APBB2: variants seen among roughly 807,000 people sequenced by gnomAD.
The protein encoded by APBB2 is amyloid beta precursor protein binding family B member 2.
A neutral mutation model predicts 82.5 loss-of-function variants in APBB2; 38 were observed. The ratio of observed to expected loss-of-function variants is 0.46; its 90% CI spans 0.36 to 0.60. The LOEUF (loss-of-function observed/expected upper bound fraction) is 0.60. Ranked by LOEUF, APBB2 falls within the 20% of genes least tolerant of loss-of-function variation. The pLI is 0.00. For missense variants in APBB2, 772 were observed against 972.3 expected (o/e 0.79, Z 2.74); for synonymous variants, 341 against 368.2 (o/e 0.93, Z 0.85).
intron 6 of APBB2, among the ~76,000 whole-genome samples, chr4:40,968,538 C>A (rs1438529600): frequency 6.6e-6 from 1 of 152,104 alleles, no homozygotes; most frequent in African/African-American, 2.4e-5. Flanking sequence ...TTTAGAATGG[C>A]ACTGCATGCA....
chr4:40,922,331 A>G (rs1781467720), intron 10 of APBB2, among the ~76,000 whole-genome samples: 1 of 152,216 alleles, frequency 6.6e-6, no homozygotes, highest in African/African-American at 2.4e-5. Context: ...CTATGTATGT[A>G]CTAGCTATTG....
chr4:41,056,474 G>A (rs1727898453), intron 4 of APBB2, among the ~76,000 whole-genome samples: 1 of 152,064 alleles, frequency 6.6e-6, no homozygotes, highest in African/African-American at 2.4e-5. Flanking sequence ...TGTTCTCCTG[G>A]GCTTTACTGA....
chr4:40,917,968 AG>A (rs1295712107), intron 10 of APBB2, among the ~76,000 whole-genome samples: 1 of 152,236 alleles, frequency 6.6e-6, no homozygotes, highest in African/African-American at 2.4e-5. Flanking sequence ...TTCTGTATCT[AG>A]GTTATAATTC....
intron 10 of APBB2, among the ~76,000 whole-genome samples, chr4:40,903,685 A>T (rs1337232189): frequency 6.6e-6 from 1 of 152,190 alleles, no homozygotes; most frequent in African/African-American, 2.4e-5. Flanking sequence ...ATTCAACATA[A>T]GAGAAATAGA....
At chr4:40,907,219 C>T (rs964515144) in intron 10 of APBB2, among the ~76,000 whole-genome samples, 1 of 151,470 alleles carries the variant, frequency 6.6e-6, no homozygotes, top group African/African-American at 2.4e-5. Context: ...ATGCTTAAGT[C>T]CTAACCCCCA....
chr4:40,935,149 T>A lies in APBB2; in HGVS notation c.1045-10A>T, dbSNP rs1169114355. 2.4e-5 allele frequency: 36 copies of A among 1,508,374 alleles called. No homozygotes were observed. The highest frequency in any genetic ancestry group is 3.1e-5 in the Non-Finnish European group (35 of 1,129,978). The allele number at this position is 1,508,374 out of a possible 1,614,324, so 93.4% of individuals were successfully genotyped here. On this transcript the variant is annotated splice_polypyrimidine_tract_variant and intron_variant, in intron 7 of 17. Coordinates refer to ENST00000508593, the MANE Select transcript of APBB2 (RefSeq NM_004307.2). Reference sequence around the variant, plus strand: ...CACTCCATGGCTGTTTCTAGACATATAATTATTCACATAGGAAAAAAGCAC... The same window carrying A: ...CACTCCATGGCTGTTTCTAGACATAAAATTATTCACATAGGAAAAAAGCAC...
chr4:41,164,837 C>G (rs1319768692), intron 1 of APBB2, among the ~76,000 whole-genome samples: 1 of 152,128 alleles, frequency 6.6e-6, no homozygotes, highest in Non-Finnish European at 1.5e-5. Flanking sequence ...AGAAATAGTC[C>G]TAAGTGATCT....
chr4:41,077,561 T>C (rs1159274874), intron 3 of APBB2, among the ~76,000 whole-genome samples: 1 of 151,952 alleles, frequency 6.6e-6, no homozygotes, highest in African/African-American at 2.4e-5. Context: ...TGTAACAAAA[T>C]TGGAAGCAGA....
Position 40,852,896 on chromosome 4 carries a change from C to T in APBB2, c.1530-22319G>A, listed in dbSNP as rs867640732. On this transcript the variant is annotated intron_variant, in intron 12 of 17. Coordinates refer to ENST00000508593, the MANE Select transcript of APBB2 (RefSeq NM_004307.2). ...CCTCAAGTGATCCTTTGGGGACACT[C>T]GGCCTCCCAAAGTGCTGGGATTACA... 3.9e-5 allele frequency among the ~76,000 whole-genome samples: 6 copies of T among 152,144 alleles called. No individual in the cohort carries two copies. The East Asian group carries it at 9.6e-4, about 24-fold the overall frequency.
chr4:41,102,573 A>C (rs2153970938), intron 2 of APBB2, among the ~76,000 whole-genome samples: 1 of 152,256 alleles, frequency 6.6e-6, no homozygotes, highest in African/African-American at 2.4e-5. Flanking sequence ...TTGGGCCAAA[A>C]CCAGCTGCAT....
intron 4 of APBB2, among the ~76,000 whole-genome samples, chr4:41,035,615 C>A (rs1456060563): frequency 6.6e-6 from 1 of 152,010 alleles, no homozygotes; most frequent in Non-Finnish European, 1.5e-5. Flanking sequence ...CAAAAAAAGG[C>A]ATACTAGTGT....
chr4:41,174,098 C>T (rs1211019385), intron 1 of APBB2, among the ~76,000 whole-genome samples: 2 of 152,078 alleles, frequency 1.3e-5, no homozygotes, highest in Non-Finnish European at 2.9e-5. Flanking sequence ...ACTGAAACAC[C>T]GAAGCTGATC....
intron 1 of APBB2, among the ~76,000 whole-genome samples, chr4:41,168,568 G>A (rs546456280): frequency 9.7e-4 from 147 of 151,852 alleles, no homozygotes; most frequent in African/African-American, 3.4e-3. Flanking sequence ...CTAGTAATTC[G>A]TTTTCCTAGA....
At position 41,077,986 on chromosome 4, in the gene APBB2, T is replaced by C. The variant is rs1736220002; in HGVS notation, c.-148-12313A>G. 2.0e-5 allele frequency among the ~76,000 whole-genome samples: 3 copies of C among 151,972 alleles called. No homozygotes were observed. In the South Asian group the frequency reaches 6.2e-4, roughly 31 times the overall value. On this transcript the variant is annotated intron_variant, in intron 3 of 17. Transcript: ENST00000508593. ...AATTTGGGGATAAATAAATAGTAAA[T>C]AAATAGAATACCAAGCAACAAAATT...
intron 4 of APBB2, among the ~76,000 whole-genome samples, chr4:41,035,620 T>A (rs566656543): frequency 6.6e-6 from 1 of 152,100 alleles, no homozygotes; most frequent in African/African-American, 2.4e-5. Context: ...AAAGGCATAC[T>A]AGTGTGAGCA....
At chr4:40,987,036 G>C (rs1220330925) in intron 6 of APBB2, among the ~76,000 whole-genome samples, 1 of 152,122 alleles carries the variant, frequency 6.6e-6, no homozygotes, top group Non-Finnish European at 1.5e-5. Context: ...AATCATATCA[G>C]TTAAAAGGAC....
chr4:40,836,136 TGGG>T (rs2154307241), intron 12 of APBB2, among the ~76,000 whole-genome samples: 1 of 152,130 alleles, frequency 6.6e-6, no homozygotes, highest in East Asian at 1.9e-4. Flanking sequence ...GACATGGATC[TGGG>T]AGGTGGGTGA....
chr4:41,031,234 TTAAATAAA>T (rs144245631), intron 5 of APBB2, among the ~76,000 whole-genome samples: 353 of 151,470 alleles, frequency 2.3e-3, no homozygotes, highest in African/African-American at 8.1e-3. Context: ...CAAAAAAAAT[TTAAATAAA>T]TAAATAAATA....
intron 10 of APBB2, among the ~76,000 whole-genome samples, chr4:40,899,617 G>C (rs989094899): frequency 2.0e-5 from 3 of 152,240 alleles, no homozygotes; most frequent in Admixed American, 6.5e-5. Context: ...AGAAGGGCAA[G>C]TGGCTGGGAC....
Sources: allele counts gnomAD v4.1 joint callset (sites outside exome capture counted in the v4.1 genomes callset), GRCh38; gene constraint gnomAD v4.1.1; transcripts MANE v1.5; gene names NCBI Gene and HGNC (gene_info 2026-07-23, HGNC 2026-07-21).